PCDH9: variants seen among roughly 807,000 people sequenced by gnomAD.
The protein encoded by PCDH9 is protocadherin-9.
Under a neutral mutation model 70.6 loss-of-function variants are expected in PCDH9, and 24 were observed. The observed-to-expected ratio is 0.34, with a 90% CI of 0.25 to 0.48. The LOEUF (loss-of-function observed/expected upper bound fraction) is 0.48, where lower values mean the gene tolerates loss of function less well. Among genes scored for constraint, PCDH9 ranks in the 20% least tolerant of loss-of-function variants. The pLI is 0.99. For synonymous variants in PCDH9, 562 were observed against 558.5 expected, an observed-to-expected ratio of 1.01 and a Z score of -0.09; for missense variants, 1,281 against 1,503.6, an observed-to-expected ratio of 0.85 and a Z score of 2.45.
intron 3 of PCDH9, among the ~76,000 whole-genome samples, chr13:66,738,676 C>T (rs1205588954): frequency 2.0e-5 from 3 of 147,594 alleles, no homozygotes; most frequent in Non-Finnish European, 4.5e-5. Context: ...AACCAAGGCT[C>T]GAGAACTACG....
intron 4 of PCDH9, among the ~76,000 whole-genome samples, chr13:66,400,820 A>G (rs558347013): frequency 4.8e-4 from 73 of 152,308 alleles, no homozygotes; most frequent in African/African-American, 1.5e-3. Flanking sequence ...ATAGTGTAAT[A>G]TCTAAGGAAA....
At chr13:67,143,586 A>C (rs1185590416) in intron 2 of PCDH9, among the ~76,000 whole-genome samples, 1 of 152,172 alleles carries the variant, frequency 6.6e-6, no homozygotes, top group Non-Finnish European at 1.5e-5. Context: ...TAATAATAAT[A>C]ATAATAAAAT....
chr13:66,431,822 G>A (rs114358771), intron 4 of PCDH9, among the ~76,000 whole-genome samples: 1 of 151,924 alleles, frequency 6.6e-6, no homozygotes, highest in South Asian at 2.1e-4. Context: ...TTTTAATGAC[G>A]TCCAAGATTC....
At chr13:67,199,120 G>A (rs2138045824) in intron 2 of PCDH9, among the ~76,000 whole-genome samples, 1 of 151,464 alleles carries the variant, frequency 6.6e-6, no homozygotes, top group East Asian at 1.9e-4. Context: ...AAGAATTGAT[G>A]CTTGGATCAT....
chr13:66,673,211 G>A (rs1177376707), intron 3 of PCDH9, among the ~76,000 whole-genome samples: 1 of 152,074 alleles, frequency 6.6e-6, no homozygotes, highest in African/African-American at 2.4e-5. Flanking sequence ...GTTTTCCCAT[G>A]CTGTTCTTGT....
At chr13:67,085,855 G>T (rs2086096477) in intron 2 of PCDH9, among the ~76,000 whole-genome samples, 1 of 152,168 alleles carries the variant, frequency 6.6e-6, no homozygotes. Flanking sequence ...TAGTTAACAT[G>T]AATGAATTCC....
At chr13:66,801,334 CT>C (rs2080323058) in intron 3 of PCDH9, among the ~76,000 whole-genome samples, 1 of 151,970 alleles carries the variant, frequency 6.6e-6, no homozygotes, top group Non-Finnish European at 1.5e-5. Flanking sequence ...CCTTAACTTC[CT>C]TTTTTCCTGT....
intron 3 of PCDH9, among the ~76,000 whole-genome samples, chr13:66,756,290 C>T (rs187077305): frequency 7.6e-4 from 116 of 152,106 alleles, no homozygotes; most frequent in Non-Finnish European, 1.3e-3. Flanking sequence ...AAAAATCAAT[C>T]GTTTGAAATA....
chr13:66,557,112 G>A (rs1961772099), intron 4 of PCDH9, among the ~76,000 whole-genome samples: 1 of 152,188 alleles, frequency 6.6e-6, no homozygotes, highest in Non-Finnish European at 1.5e-5. Flanking sequence ...TACTGCTGAG[G>A]AAGTAGTCCA....
rs576195767 is a variant in PCDH9 at position 66,754,253 on chromosome 13, G to A, written c.3139-122842C>T. Among the ~76,000 whole-genome samples the A allele has an allele frequency of 2.7e-3, 405 of 152,160 alleles. 2 individuals carry two copies. The highest frequency in any genetic ancestry group is 9.4e-3 in the African/African-American group (390 of 41,518). On this transcript the variant is annotated intron_variant, in intron 3 of 4. Transcript: ENST00000377865. ...TGGGTGGAGGGCAAGTGGAGGAATA[G>A]CATTAGGGGAAATACCTAATGTAGA...
chr13:66,489,780 A>G (rs1005949558), intron 4 of PCDH9, among the ~76,000 whole-genome samples: 9 of 152,182 alleles, frequency 5.9e-5, no homozygotes, highest in Non-Finnish European at 1.2e-4. Context: ...TCGATGACAC[A>G]CATACATTCT....
intron 2 of PCDH9, among the ~76,000 whole-genome samples, chr13:66,972,983 T>C (rs565478903): frequency 1.3e-5 from 2 of 152,144 alleles, no homozygotes; most frequent in South Asian, 2.1e-4. Context: ...AAAGTCGCTT[T>C]AGAGACTTTC....
intron 3 of PCDH9, among the ~76,000 whole-genome samples, chr13:66,699,480 C>T (rs999882598): frequency 5.3e-5 from 8 of 152,106 alleles, no homozygotes; most frequent in African/African-American, 1.7e-4. Context: ...GGTGGACCCT[C>T]AATTCAATGA....
intron 3 of PCDH9, among the ~76,000 whole-genome samples, chr13:66,796,398 A>C (rs1460242224): frequency 6.6e-6 from 1 of 152,174 alleles, no homozygotes; most frequent in Non-Finnish European, 1.5e-5. Context: ...GGTGTTACTT[A>C]TACCTAATTA....
chr13:66,797,753 G>A (rs2080266314), intron 3 of PCDH9, among the ~76,000 whole-genome samples: 1 of 151,686 alleles, frequency 6.6e-6, no homozygotes, highest in Non-Finnish European at 1.5e-5. Context: ...AACACATATT[G>A]CTTATTTTTT....
intron 4 of PCDH9, among the ~76,000 whole-genome samples, chr13:66,383,378 T>A (rs1240291621): frequency 6.6e-6 from 1 of 152,202 alleles, no homozygotes; most frequent in African/African-American, 2.4e-5. Flanking sequence ...GGTGTTCATG[T>A]TTCATTCAAA....
At chr13:66,575,757 T>C (rs1400439570) in intron 4 of PCDH9, among the ~76,000 whole-genome samples, 1 of 152,158 alleles carries the variant, frequency 6.6e-6, no homozygotes, top group African/African-American at 2.4e-5. Context: ...ATATCAAGTT[T>C]CTCTTTTATT....
chr13:66,596,479 T>A (rs1377471200), intron 4 of PCDH9, among the ~76,000 whole-genome samples: 2 of 151,412 alleles, frequency 1.3e-5, no homozygotes, highest in Admixed American at 6.6e-5. Context: ...TATACACCCA[T>A]ATATGTGTAA....
chr13:66,680,367 A>T (rs2078302072), intron 3 of PCDH9, among the ~76,000 whole-genome samples: 1 of 151,982 alleles, frequency 6.6e-6, no homozygotes, highest in African/African-American at 2.4e-5. Context: ...ATAGAATGAA[A>T]TCAATCAATC....
Sources: gnomAD v4.1 joint callset for allele counts (sites outside exome capture counted in the v4.1 genomes callset) on GRCh38, gnomAD v4.1.1 for gene constraint, MANE v1.5 for transcripts, NCBI Gene and HGNC (gene_info 2026-07-23, HGNC 2026-07-21) for gene names.